PACRG: variants seen among roughly 807,000 people sequenced by gnomAD.
PACRG encodes parkin coregulated gene protein.
Under a neutral mutation model 29.7 loss-of-function variants are expected in PACRG, and 29 were observed. The ratio of observed to expected loss-of-function variants is 0.98; its 90% CI spans 0.73 to 1.33. The LOEUF (loss-of-function observed/expected upper bound fraction) is 1.33, where lower values mean the gene tolerates loss of function less well. Ranked by LOEUF, PACRG falls within the 40% of genes most tolerant of loss-of-function variation. The pLI is 0.00. For missense variants in PACRG, 279 were observed against 316.2 expected, an observed-to-expected ratio of 0.88 and a Z score of 0.89; for synonymous variants, 116 against 118.7, an observed-to-expected ratio of 0.98 and a Z score of 0.15.
At chr6:163,159,629 A>G (rs1224464749) in intron 4 of PACRG, among the ~76,000 whole-genome samples, 1 of 152,092 alleles carries the variant, frequency 6.6e-6, no homozygotes, top group Non-Finnish European at 1.5e-5. Flanking sequence ...AGTTCTTTAC[A>G]TACATTATCT....
At chr6:163,166,087 A>T (rs756548580) in intron 4 of PACRG, 1 of 456,318 alleles carries the variant, frequency 2.2e-6, no homozygotes, top group South Asian at 1.5e-5. Context: ...GGAGTAACAC[A>T]GAAGCTCCAA....
chr6:163,175,388 T>C (rs764797344), intron 4 of PACRG, among the ~76,000 whole-genome samples: 1 of 152,014 alleles, frequency 6.6e-6, no homozygotes, highest in Non-Finnish European at 1.5e-5. Context: ...ACTCAAATGA[T>C]GCATTCATTT....
At chr6:163,112,620 C>T (rs889271796) in intron 4 of PACRG, among the ~76,000 whole-genome samples, 3 of 152,136 alleles carry the variant, frequency 2.0e-5, no homozygotes, top group Admixed American at 2.0e-4. Context: ...AAAGCAATCA[C>T]ATGTGCAAAG....
rs146256550 is a variant in PACRG, at chr6:163,064,528, G to A, written c.463+2207G>A. ...TTCTGCTATTCGATACTGATCCTGA[G>A]TGTAACTGCTCCTTCCTTCTCAATC... On this transcript the variant is annotated intron_variant, in intron 3 of 4. Coordinates refer to ENST00000366888, the MANE Select transcript of PACRG (RefSeq NM_001080379.2). 2.1e-3 allele frequency among the ~76,000 whole-genome samples: 326 copies of A among 152,292 alleles called. 4 individuals carry two copies. Among genetic ancestry groups the A allele is most frequent in the African/African-American group, 7.6e-3 (315 of 41,562 alleles).
At chr6:163,053,255 G>T (rs1166447925) in intron 2 of PACRG, among the ~76,000 whole-genome samples, 5 of 152,142 alleles carry the variant, frequency 3.3e-5, no homozygotes. Flanking sequence ...CAATTGAGAA[G>T]AACTCTTAGG....
At position 163,137,600 on chromosome 6, in the gene PACRG, C is replaced by T. The variant is rs965097662; in HGVS notation, c.613+48192C>T. Reference sequence around the variant, plus strand: ...GGCTCTCGAGAACACCGTCAGTACTCCCTAATACCCCGTGCTCCAAATCCG... The same window carrying T: ...GGCTCTCGAGAACACCGTCAGTACTTCCTAATACCCCGTGCTCCAAATCCG... On this transcript the variant is annotated intron_variant, in intron 4 of 4. Coordinates refer to ENST00000366888, the MANE Select transcript of PACRG (RefSeq NM_001080379.2). 4.6e-5 allele frequency among the ~76,000 whole-genome samples: 7 copies of T among 152,158 alleles called. No homozygotes were observed. The South Asian group carries it at 8.3e-4, about 18-fold the overall frequency.
intron 4 of PACRG, among the ~76,000 whole-genome samples, chr6:163,133,891 C>T (rs565706957): frequency 2.5e-4 from 38 of 152,264 alleles, no homozygotes; most frequent in African/African-American, 8.2e-4. Context: ...CAATTTTAAA[C>T]GTAAACATTT....
At chr6:162,816,184 A>G (rs1203158615) in intron 2 of PACRG, among the ~76,000 whole-genome samples, 1 of 152,178 alleles carries the variant, frequency 6.6e-6, no homozygotes, top group Non-Finnish European at 1.5e-5. Context: ...AGCAAGCTAA[A>G]AAGTAATAAA....
chr6:163,300,033 GA>G (rs1034034171), intron 4 of PACRG, among the ~76,000 whole-genome samples: 68 of 152,328 alleles, frequency 4.5e-4, no homozygotes, highest in African/African-American at 1.6e-3. Context: ...TAAGTGGAAT[GA>G]CCTATCCGGA....
Position 162,817,639 on chromosome 6 carries a change from G to C in PACRG, c.291+3358G>C, listed in dbSNP as rs542055626. 2.0e-5 allele frequency among the ~76,000 whole-genome samples: 3 copies of C among 152,240 alleles called. No individual in the cohort carries two copies. In the East Asian group the frequency reaches 5.8e-4, roughly 29 times the overall value. On this transcript the variant is annotated intron_variant, in intron 2 of 4. Transcript: ENST00000366888. ...TTGAAATGTGCCTACGGAGACTGAG[G>C]AACTCAATTTTTAATTTTATTTAAT... is the stretch of plus-strand genomic sequence containing the variant.
chr6:163,120,424 G>A (rs1409359042), intron 4 of PACRG, among the ~76,000 whole-genome samples: 1 of 152,184 alleles, frequency 6.6e-6, no homozygotes, highest in Non-Finnish European at 1.5e-5. Flanking sequence ...TAGGGGCGCT[G>A]TTGGGGTGAG....
intron 4 of PACRG, among the ~76,000 whole-genome samples, chr6:163,270,703 T>C (rs946108999): frequency 4.6e-5 from 7 of 151,866 alleles, no homozygotes; most frequent in Admixed American, 2.6e-4. Flanking sequence ...CCAAATACAA[T>C]ATGGGCAAAT....
chr6:162,854,326 TC>T (rs34011469), intron 2 of PACRG, among the ~76,000 whole-genome samples: 38,900 of 152,030 alleles, frequency 0.26, 6,302 homozygotes, highest in African/African-American at 0.44. Flanking sequence ...TAGCTAATGA[TC>T]TATTAAACTG....
chr6:163,081,881 T>C (rs1369938908), intron 3 of PACRG, among the ~76,000 whole-genome samples: 1 of 152,208 alleles, frequency 6.6e-6, no homozygotes, highest in Non-Finnish European at 1.5e-5. Context: ...CTCAGCACTA[T>C]AATGCTATAT....
At chr6:163,007,457 G>A (rs1222866055) in intron 2 of PACRG, among the ~76,000 whole-genome samples, 1 of 152,054 alleles carries the variant, frequency 6.6e-6, no homozygotes, top group Non-Finnish European at 1.5e-5. Context: ...CAGATTGGCT[G>A]GTTATAAATT....
chr6:162,841,419 T>G (rs995172504), intron 2 of PACRG, among the ~76,000 whole-genome samples: 28 of 152,158 alleles, frequency 1.8e-4, no homozygotes, highest in Non-Finnish European at 3.7e-4. Context: ...GTAGTTTGTA[T>G]TTCTGTGGGA....
chr6:162,936,033 T>G (rs1314640999), intron 2 of PACRG, among the ~76,000 whole-genome samples: 1 of 152,116 alleles, frequency 6.6e-6, no homozygotes, highest in Non-Finnish European at 1.5e-5. Flanking sequence ...GACTTACAGC[T>G]CCACATGCCT....
chr6:163,246,516 T>C (rs1444805683), intron 4 of PACRG, among the ~76,000 whole-genome samples: 1 of 152,206 alleles, frequency 6.6e-6, no homozygotes, highest in Admixed American at 6.5e-5. Flanking sequence ...CCATCTGAAA[T>C]ATGTAATGTT....
intron 1 of PACRG, among the ~76,000 whole-genome samples, chr6:162,754,948 A>G (rs952135631): frequency 2.6e-5 from 4 of 152,108 alleles, no homozygotes; most frequent in African/African-American, 9.7e-5. Context: ...CAGGCATGTA[A>G]AAGTCTTATT....
Sources: gnomAD v4.1 joint callset for allele counts (sites outside exome capture counted in the v4.1 genomes callset) on GRCh38, gnomAD v4.1.1 for gene constraint, MANE v1.5 for transcripts, NCBI Gene and HGNC (gene_info 2026-07-23, HGNC 2026-07-21) for gene names.